Variants in DHRSX observed in about 807,000 individuals in gnomAD.
The protein encoded by DHRSX is dehydrogenase/reductase X-linked, also known as polyprenol dehydrogenase.
A neutral mutation model predicts 34.0 loss-of-function variants in DHRSX; 31 were observed. The ratio of observed to expected loss-of-function variants is 0.91; its 90% CI spans 0.69 to 1.23. The LOEUF is 1.23. DHRSX is among the 50% of genes most tolerant of loss of function. The probability of loss-of-function intolerance (pLI) is 0.00; values close to 1 mark genes in which losing one functional copy is unlikely to be tolerated. For synonymous variants in DHRSX, 201 were observed against 183.8 expected (o/e 1.09, Z -0.76); for missense variants, 414 against 428.1 (o/e 0.97, Z 0.29).
At chrX:2,309,824 G>C (rs1220474017) in intron 3 of DHRSX, among the ~76,000 whole-genome samples, 3 of 152,130 alleles carry the variant, frequency 2.0e-5, no homozygotes, top group Non-Finnish European at 4.4e-5. Flanking sequence ...GAGGTGGCAG[G>C]ACTGCTTGAG....
At chrX:2,265,721 T>C (rs1403341596) in intron 5 of DHRSX, among the ~76,000 whole-genome samples, 445 of 55,742 alleles carry the variant, frequency 8.0e-3, no homozygotes, top group Middle Eastern at 0.029. Context: ...CACCAGTGTA[T>C]AGCAGATGCA....
chrX:2,491,073 T>TTG (rs1277034850), intron 1 of DHRSX, among the ~76,000 whole-genome samples: 1 of 123,480 alleles, frequency 8.1e-6, no homozygotes, highest in East Asian at 2.2e-4. Flanking sequence ...TTAGTTTTTT[T>TTG]TTTTTTTTTT....
intron 1 of DHRSX, among the ~76,000 whole-genome samples, chrX:2,473,764 G>C (rs2925854): frequency 7.2e-6 from 1 of 138,408 alleles, no homozygotes; most frequent in African/African-American, 3.1e-5. Flanking sequence ...CACGAATATA[G>C]AGAAACACAC....
intron 3 of DHRSX, among the ~76,000 whole-genome samples, chrX:2,347,643 G>A (rs189110900): frequency 0.017 from 2,528 of 152,242 alleles, 39 homozygotes; most frequent in South Asian, 0.049. Flanking sequence ...GTAGTGAGCC[G>A]AGATCATGCC....
intron 1 of DHRSX, chrX:2,490,689 T>C (rs1446313064): frequency 6.2e-7 from 1 of 1,613,902 alleles, no homozygotes; most frequent in Non-Finnish European, 8.5e-7. Context: ...TTCAGGTCTG[T>C]CTGGGAGCTC....
At chrX:2,414,680 T>G (rs907331535) in intron 2 of DHRSX, among the ~76,000 whole-genome samples, 1 of 151,810 alleles carries the variant, frequency 6.6e-6, no homozygotes, top group Admixed American at 6.6e-5. Context: ...CTAATACAAC[T>G]AGATCCCATC....
At chrX:2,375,867 G>A (rs1454293048) in intron 3 of DHRSX, among the ~76,000 whole-genome samples, 1 of 136,230 alleles carries the variant, frequency 7.3e-6, no homozygotes, top group Non-Finnish European at 1.7e-5. Flanking sequence ...TCCTGACCTC[G>A]TGATCCACCT....
chrX:2,463,213 G>T (rs911428313), intron 1 of DHRSX, among the ~76,000 whole-genome samples: 5 of 152,166 alleles, frequency 3.3e-5, no homozygotes, highest in African/African-American at 1.2e-4. Flanking sequence ...TACTCAGAGA[G>T]GCTGTGGCAG....
chrX:2,390,379 C>A (rs1245016186), intron 3 of DHRSX, among the ~76,000 whole-genome samples: 3 of 151,712 alleles, frequency 2.0e-5, no homozygotes, highest in Non-Finnish European at 4.4e-5. Context: ...CTCAGGTGAT[C>A]CACCCGCCTC....
chrX:2,358,788 T>A (rs969370434), intron 3 of DHRSX, among the ~76,000 whole-genome samples: 1 of 152,084 alleles, frequency 6.6e-6, no homozygotes, highest in African/African-American at 2.4e-5. Flanking sequence ...TGCTTATGCA[T>A]ACCTTGATTT....
rs997986324 is a variant in DHRSX, at chrX:2,246,706, GAGAAAGAAAGAAAGAA to G, written c.597-3492_597-3477del. ...AGAAAAAGAAAAGAAAAGAAAGAAA[GAGAAAGAAAGAAAGAA>G]AGAAAGAAAGAAAGAAAGAAAGAAA... On this transcript the variant is annotated intron_variant, in intron 5 of 6. Coordinates refer to ENST00000334651, the MANE Select transcript of DHRSX (RefSeq NM_145177.3). Among the ~76,000 whole-genome samples, 131 of 107,506 alleles carry G rather than the reference GAGAAAGAAAGAAAGAA, an allele frequency of 1.2e-3. 1 individual carries two copies. The highest frequency in any genetic ancestry group is 4.4e-3 in the African/African-American group (130 of 29,618). The allele number at this position is 107,506 out of a possible 152,430, so 70.5% of individuals were successfully genotyped here.
At chrX:2,402,671 G>A (rs141945943) in intron 3 of DHRSX, among the ~76,000 whole-genome samples, 16 of 151,610 alleles carry the variant, frequency 1.1e-4, no homozygotes, top group Non-Finnish European at 2.1e-4. Flanking sequence ...ACTGATGAAT[G>A]TCCAAACCTG....
At chrX:2,309,596 T>C (rs2042140098) in intron 3 of DHRSX, among the ~76,000 whole-genome samples, 1 of 152,152 alleles carries the variant, frequency 6.6e-6, no homozygotes, top group Admixed American at 6.6e-5. Context: ...TAGTCAACCT[T>C]GTAACCCAAC....
intron 3 of DHRSX, among the ~76,000 whole-genome samples, chrX:2,390,288 G>A (rs1183959305): frequency 2.0e-5 from 3 of 151,144 alleles, no homozygotes; most frequent in Non-Finnish European, 4.4e-5. Context: ...GATTATAGGC[G>A]CCCACCACCA....
intron 3 of DHRSX, among the ~76,000 whole-genome samples, chrX:2,346,114 C>A (rs2042706859): frequency 6.6e-6 from 1 of 152,088 alleles, no homozygotes; most frequent in Non-Finnish European, 1.5e-5. Flanking sequence ...TCCTTGTAGA[C>A]CCGATGAATT....
At chrX:2,274,807 G>A (rs779644458) in intron 4 of DHRSX, among the ~76,000 whole-genome samples, 20 of 152,208 alleles carry the variant, frequency 1.3e-4, no homozygotes, top group African/African-American at 3.9e-4. Context: ...TGATATTTAC[G>A]GAACGAAAGC....
chrX:2,275,835 TTAA>T (rs2041623339), intron 4 of DHRSX, among the ~76,000 whole-genome samples: 1 of 146,734 alleles, frequency 6.8e-6, no homozygotes, highest in Non-Finnish European at 1.5e-5. Context: ...TTGCCTTTTT[TTAA>T]AAATTTTAAT....
At chrX:2,350,367 T>C (rs2042775290) in intron 3 of DHRSX, among the ~76,000 whole-genome samples, 1 of 151,752 alleles carries the variant, frequency 6.6e-6, no homozygotes, top group South Asian at 2.1e-4. Flanking sequence ...AGAAAGAAAA[T>C]GCAGTACATA....
At chrX:2,473,285 A>G (rs1388252554) in intron 1 of DHRSX, among the ~76,000 whole-genome samples, 1 of 152,168 alleles carries the variant, frequency 6.6e-6, no homozygotes, top group Non-Finnish European at 1.5e-5. Flanking sequence ...CATTTGTCAC[A>G]GGTGGAAACA....
Sources: allele counts gnomAD v4.1 joint callset (sites outside exome capture counted in the v4.1 genomes callset), GRCh38; gene constraint gnomAD v4.1.1; transcripts MANE v1.5; gene names NCBI Gene and HGNC (gene_info 2026-07-23, HGNC 2026-07-21).